The following PSMB2 variants were observed in gnomAD, a reference collection of about 807,000 sequenced individuals.
PSMB2 encodes the protein proteasome subunit beta type-2.
PSMB2 carries 13 observed loss-of-function variants against 25.7 expected under a neutral mutation model. The observed-to-expected ratio is 0.51, with a 90% confidence interval of 0.33 to 0.80. The LOEUF is 0.80. Ranked by LOEUF, PSMB2 falls within the 30% of genes least tolerant of loss-of-function variation. The probability of loss-of-function intolerance (pLI) is 0.02; values close to 1 mark genes in which losing one functional copy is unlikely to be tolerated. For synonymous variants in PSMB2, 87 were observed against 96.2 expected, an observed-to-expected ratio of 0.90 and a Z score of 0.56; for missense variants, 202 against 259.0, an observed-to-expected ratio of 0.78 and a Z score of 1.51.
chr1:35,633,294 A>G (rs1651153817), intron 2 of PSMB2, among the ~76,000 whole-genome samples: 1 of 152,040 alleles, frequency 6.6e-6, no homozygotes, highest in South Asian at 2.1e-4. Context: ...TTAACCCCCT[A>G]AACACCACTG....
intron 3 of PSMB2, among the ~76,000 whole-genome samples, chr1:35,628,596 A>AAAAAAAATATATATAT (rs59538661): frequency 1.2e-4 from 3 of 25,104 alleles, no homozygotes; most frequent in African/African-American, 2.3e-4. Context: ...AAAAAAAAAA[A>AAAAAAAATATATATAT]ATATATATAT....
At chr1:35,618,789 A>G (rs980285530) in intron 3 of PSMB2, among the ~76,000 whole-genome samples, 1 of 152,322 alleles carries the variant, frequency 6.6e-6, no homozygotes, top group Middle Eastern at 3.4e-3. Context: ...TGACGGAAAA[A>G]AAGTACAAAT....
At position 35,604,775 on chromosome 1, in the gene PSMB2, C is replaced by T. The variant is rs1222315806; in HGVS notation, c.498+458G>A. Among the ~76,000 whole-genome samples the T allele has an allele frequency of 1.3e-5, 2 of 152,100 alleles. 1 individual carries two copies. The highest frequency in any genetic ancestry group is 1.3e-4 in the Admixed American group (2 of 15,266). On this transcript the variant is annotated intron_variant, in intron 5 of 5. Transcript: ENST00000373237. ...AGCCTGGGCAACAAAAGCGAAACTC[C>T]GTCTCAAATAAAAAAATAAAGTCTA...
intron 3 of PSMB2, 83 bp from the exon 4 acceptor site, chr1:35,609,491 C>G: frequency 8.2e-7 from 1 of 1,221,654 alleles, no homozygotes; most frequent in Non-Finnish European, 1.1e-6. Context: ...TATTCTGACT[C>G]TTCATGAGAA....
chr1:35,641,499 G>A lies in PSMB2; in HGVS notation c.-67C>T, dbSNP rs916320531. 45 of 1,606,030 alleles carry A rather than the reference G, an allele frequency of 2.8e-5. No individual in the cohort carries two copies. In the African/African-American group the frequency reaches 4.1e-4, roughly 15 times the overall value. On this transcript the variant is annotated 5_prime_UTR_variant, in exon 1 of 6. Transcript: ENST00000373237. ...GACTCGCCCGCTTCCAGGTCTCACC[G>A]GTGAGACAGCACCTCAGAGCGAAGA...
intron 3 of PSMB2, among the ~76,000 whole-genome samples, chr1:35,617,757 T>G (rs1650540072): frequency 6.6e-6 from 1 of 152,146 alleles, no homozygotes; most frequent in Admixed American, 6.5e-5. Flanking sequence ...CACATACACC[T>G]GGAGAATTAG....
Position 35,641,519 on chromosome 1 carries a change from C to G in PSMB2, c.-87G>C. On this transcript the variant is annotated 5_prime_UTR_variant, in exon 1 of 6. Transcript: ENST00000373237. ...TCACCGGTGAGACAGCACCTCAGAG[C>G]GAAGATTGGCGCGACGCCTGCAGCA... 1 of 1,576,310 alleles carries G rather than the reference C, an allele frequency of 6.3e-7. No individual in the cohort carries two copies. Among genetic ancestry groups the G allele is most frequent in the South Asian group, 1.1e-5 (1 of 88,194 alleles).
At chr1:35,630,139 C>T (rs1651047790) in intron 3 of PSMB2, among the ~76,000 whole-genome samples, 1 of 152,170 alleles carries the variant, frequency 6.6e-6, no homozygotes, top group Non-Finnish European at 1.5e-5. Context: ...TGCACCATTG[C>T]ACTCTAGTTT....
rs1181190143 is a variant in PSMB2, at chr1:35,602,015, G to GA, written c.*1251dup. 2 of 781,314 alleles carry GA rather than the reference G, an allele frequency of 2.6e-6. No individual in the cohort carries two copies. Among genetic ancestry groups the GA allele is most frequent in the Non-Finnish European group, 3.1e-6 (2 of 644,250 alleles). The allele number at this position is 781,314 out of a possible 1,614,324, so 48.4% of individuals were successfully genotyped here. On this transcript the variant is annotated 3_prime_UTR_variant, in exon 6 of 6. Transcript: ENST00000373237. ...AACAATCTCTAATATAGTGTTAAGT[G>GA]AAATAAGCAATATGCAGAACTTAAA...
At chr1:35,620,599 G>A (rs751453144) in intron 3 of PSMB2, among the ~76,000 whole-genome samples, 1 of 151,416 alleles carries the variant, frequency 6.6e-6, no homozygotes, top group African/African-American at 2.4e-5. Flanking sequence ...GCCTCCTCGG[G>A]TGCCTGTAGT....
rs1445260669 is a variant in PSMB2 at position 35,601,364 on chromosome 1, G to A, written c.*1903C>T. ...GCTGGGATTACAGGCATGAGCCACC[G>A]CACCCGGCCAACCTGTGGCACTTTT... is the stretch of plus-strand genomic sequence containing the variant. On this transcript the variant is annotated 3_prime_UTR_variant, in exon 6 of 6. Transcript: ENST00000373237. 33 of 985,016 alleles carry A rather than the reference G, an allele frequency of 3.4e-5. No homozygotes were observed. The highest frequency in any genetic ancestry group is 1.2e-4 in the Admixed American group (2 of 16,270). The allele number at this position is 985,016 out of a possible 1,614,324, so 61.0% of individuals were successfully genotyped here. A position where few individuals can be genotyped will look rare whatever the true frequency, so the allele number is the denominator to read the frequency against.
rs1381637337 is a variant in PSMB2, at chr1:35,601,728, G to A, written c.*1539C>T. On this transcript the variant is annotated 3_prime_UTR_variant, in exon 6 of 6. Coordinates refer to ENST00000373237, the MANE Select transcript of PSMB2 (RefSeq NM_002794.5). ...ATTGGATAAAGTAGGGTTTATCTTAGTCGGAGACCAAATGGTTTTGATATG... is the reference window on the plus strand; with the variant it reads ...ATTGGATAAAGTAGGGTTTATCTTAATCGGAGACCAAATGGTTTTGATATG... 2.0e-6 allele frequency: 2 copies of A among 985,410 alleles called. No homozygotes were observed. Among genetic ancestry groups the A allele is most frequent in the Non-Finnish European group, 2.4e-6 (2 of 829,920 alleles). The allele number at this position is 985,410 out of a possible 1,614,324, so 61.0% of individuals were successfully genotyped here. A position where few individuals can be genotyped will look rare whatever the true frequency, so the allele number is the denominator to read the frequency against.
intron 5 of PSMB2, among the ~76,000 whole-genome samples, 194 bp from the exon 6 acceptor site, chr1:35,603,568 GACTGGGAGGCAGGGAGGCTGA>G (rs1411596285): frequency 6.6e-6 from 1 of 152,186 alleles, no homozygotes; most frequent in Admixed American, 6.5e-5. Context: ...GCTGGAGGAT[GACTGGGAGGCAGGGAGGCTGA>G]ACTGGGAGGT....
Position 35,601,287 on chromosome 1 carries a change from TC to T in PSMB2, c.*1979del. The T allele has an allele frequency of 2.5e-6, 2 of 796,240 alleles. No individual in the cohort carries two copies. Among genetic ancestry groups the T allele is most frequent in the Non-Finnish European group, 3.0e-6 (2 of 658,268 alleles). The allele number at this position is 796,240 out of a possible 1,614,324, so 49.3% of individuals were successfully genotyped here. A position where few individuals can be genotyped will look rare whatever the true frequency, so the allele number is the denominator to read the frequency against. On this transcript the variant is annotated 3_prime_UTR_variant, in exon 6 of 6. Coordinates refer to ENST00000373237, the MANE Select transcript of PSMB2 (RefSeq NM_002794.5). ...GGTTTCACCATGTTGGCCAGGCTGG[TC>T]TTGAACTCCTGACCTCAGGTGATCC...
chr1:35,639,826 G>A lies in PSMB2; in HGVS notation c.91+1516C>T, dbSNP rs77324782. Among the ~76,000 whole-genome samples, 1,509 of 152,248 alleles carry A rather than the reference G, an allele frequency of 9.9e-3. 32 individuals are homozygous for A. The highest frequency in any genetic ancestry group is 0.035 in the African/African-American group (1,436 of 41,544). ...ACAAATTCACTCCTTTGGAAGGACT[G>A]GCTTACAAACAAAACTTCTACAAAC... On this transcript the variant is annotated intron_variant, in intron 1 of 5. Coordinates refer to ENST00000373237, the MANE Select transcript of PSMB2 (RefSeq NM_002794.5).
intron 2 of PSMB2, among the ~76,000 whole-genome samples, chr1:35,633,405 T>C (rs997355591): frequency 3.3e-5 from 5 of 152,326 alleles, no homozygotes; most frequent in Admixed American, 3.3e-4. Flanking sequence ...CTTTAACTTA[T>C]ATAAGAATTA....
At chr1:35,626,183 T>C (rs1242648102) in intron 3 of PSMB2, among the ~76,000 whole-genome samples, 3 of 152,188 alleles carry the variant, frequency 2.0e-5, no homozygotes, top group African/African-American at 7.2e-5. Flanking sequence ...TTTCTGCTCT[T>C]TGGGGTCTAA....
At position 35,608,273 on chromosome 1, in the gene PSMB2, G is replaced by A. The variant is rs112916188; in HGVS notation, c.448+973C>T. Among the ~76,000 whole-genome samples, 223 of 152,020 alleles carry A rather than the reference G, an allele frequency of 1.5e-3. 1 individual carries two copies. The highest frequency in any genetic ancestry group is 1.8e-3 in the Non-Finnish European group (120 of 67,992). ...CCATCTACTTGGGAGGCTGAGGCACGAGAATTGCTTGAACCTGGGAGGCGG... is the reference window on the plus strand; with the variant it reads ...CCATCTACTTGGGAGGCTGAGGCACAAGAATTGCTTGAACCTGGGAGGCGG... On this transcript the variant is annotated intron_variant, in intron 4 of 5. Transcript: ENST00000373237.
At chr1:35,628,596 A>AATATAT (rs869040203) in intron 3 of PSMB2, among the ~76,000 whole-genome samples, 1 of 25,108 alleles carries the variant, frequency 4.0e-5, no homozygotes, top group African/African-American at 1.1e-4. Flanking sequence ...AAAAAAAAAA[A>AATATAT]ATATATATAT....
Sources: gnomAD v4.1 joint callset for allele counts (sites outside exome capture counted in the v4.1 genomes callset) on GRCh38, gnomAD v4.1.1 for gene constraint, MANE v1.5 for transcripts, NCBI Gene and HGNC (gene_info 2026-07-23, HGNC 2026-07-21) for gene names.